HMCN1: variants seen among roughly 807,000 people sequenced by gnomAD.
HMCN1 encodes hemicentin 1.
Under a neutral mutation model 625.9 loss-of-function variants are expected in HMCN1, and 321 were observed. The observed-to-expected ratio is 0.51, with a 90% CI of 0.47 to 0.56. HMCN1 has a LOEUF of 0.56. HMCN1 is among the 20% of genes least tolerant of loss of function. The probability of loss-of-function intolerance (pLI) is 0.00; values close to 1 mark genes in which losing one functional copy is unlikely to be tolerated. For missense variants in HMCN1, 6,588 were observed against 6,887.3 expected (o/e 0.96, Z 1.54); for synonymous variants, 2,425 against 2,417.6 (o/e 1.00, Z -0.09).
intron 1 of HMCN1, among the ~76,000 whole-genome samples, chr1:185,755,480 T>G (rs1241184683): frequency 6.6e-6 from 1 of 152,186 alleles, no homozygotes; most frequent in Non-Finnish European, 1.5e-5. Context: ...TCACTGGTTT[T>G]CCACCTGAGA....
chr1:186,078,297 C>T, intron 55 of HMCN1, 77 bp downstream of exon 55: 1 of 1,004,204 alleles, frequency 1.0e-6, no homozygotes, highest in South Asian at 1.4e-5. Context: ...CAGGATGTTA[C>T]ACTAAGCGCT....
intron 3 of HMCN1, 69 bp from the exon 4 acceptor site, chr1:185,865,672 A>T: frequency 1.5e-6 from 2 of 1,315,800 alleles, no homozygotes; most frequent in Non-Finnish European, 2.2e-6. Flanking sequence ...CACAATAGGT[A>T]GTCAATACAC....
intron 48 of HMCN1, among the ~76,000 whole-genome samples, chr1:186,063,333 G>A (rs1297378985): frequency 1.3e-5 from 2 of 149,526 alleles, no homozygotes; most frequent in Non-Finnish European, 3.0e-5. Flanking sequence ...TGGTAGAAAT[G>A]TAGGAGGAAA....
chr1:186,063,067 CATATAT>C (rs775036108), intron 48 of HMCN1, among the ~76,000 whole-genome samples: 1,090 of 59,822 alleles, frequency 0.018, 27 homozygotes, highest in Non-Finnish European at 0.023. Context: ...TGTGTGTGTG[CATATAT>C]ATATATATAT....
intron 16 of HMCN1, among the ~76,000 whole-genome samples, chr1:185,980,639 T>G (rs1651560915): frequency 6.6e-6 from 1 of 152,194 alleles, no homozygotes; most frequent in Non-Finnish European, 1.5e-5. Flanking sequence ...TTCCATTCTT[T>G]GTACAGGCCA....
At chr1:185,772,979 C>T (rs1488833449) in intron 1 of HMCN1, among the ~76,000 whole-genome samples, 2 of 152,116 alleles carry the variant, frequency 1.3e-5, no homozygotes, top group Non-Finnish European at 2.9e-5. Context: ...GCTTTCATGA[C>T]ATAAATACCT....
chr1:186,188,423 C>T lies in HMCN1; in HGVS notation c.16541+414C>T, dbSNP rs372704245. 9.2e-5 allele frequency among the ~76,000 whole-genome samples: 14 copies of T among 152,282 alleles called. No individual in the cohort carries two copies. In the East Asian group the frequency reaches 1.9e-3, roughly 21 times the overall value. On this transcript the variant is annotated intron_variant, in intron 106 of 106. Coordinates refer to ENST00000271588, the MANE Select transcript of HMCN1 (RefSeq NM_031935.3). ...CTTTTCTGTTGCTTCACTGACTCAC[C>T]GCTCCTTGAGAACGGAGATGAGTGA... is the stretch of plus-strand genomic sequence containing the variant.
At chr1:186,138,062 T>TA in intron 89 of HMCN1, 90 bp downstream of exon 89, 1 of 1,373,442 alleles carries the variant, frequency 7.3e-7, no homozygotes, top group Non-Finnish European at 1.0e-6. Context: ...TTCTTCATTG[T>TA]AAAAAGATGT....
intron 4 of HMCN1, among the ~76,000 whole-genome samples, chr1:185,893,194 A>T (rs1466376998): frequency 6.6e-6 from 1 of 152,060 alleles, no homozygotes; most frequent in Non-Finnish European, 1.5e-5. Context: ...GCACCCAGTG[A>T]CCTGTGCCCA....
chr1:185,867,210 A>G (rs1663311000), intron 4 of HMCN1, among the ~76,000 whole-genome samples: 1 of 152,202 alleles, frequency 6.6e-6, no homozygotes, highest in South Asian at 2.1e-4. Flanking sequence ...AGAGAGGGTT[A>G]TGCCTTAGGT....
intron 41 of HMCN1, 32 bp downstream of exon 41, chr1:186,045,895 T>G (rs571293510): frequency 2.0e-6 from 3 of 1,496,732 alleles, no homozygotes; most frequent in Non-Finnish European, 9.3e-7. Flanking sequence ...TTTTACCTTA[T>G]GTTATTAGAA....
intron 1 of HMCN1, among the ~76,000 whole-genome samples, chr1:185,744,979 A>T (rs917519660): frequency 2.0e-5 from 3 of 152,194 alleles, no homozygotes; most frequent in African/African-American, 7.2e-5. Context: ...ACTTGGGTGT[A>T]GAGATAAGGG....
chr1:186,163,286 C>T (rs565608335), intron 97 of HMCN1, among the ~76,000 whole-genome samples: 13 of 152,308 alleles, frequency 8.5e-5, no homozygotes, highest in African/African-American at 2.9e-4. Flanking sequence ...GTGGGAGTGA[C>T]CCGATTTTCC....
At chr1:185,971,527 T>A (rs1286666915) in intron 15 of HMCN1, among the ~76,000 whole-genome samples, 1 of 152,230 alleles carries the variant, frequency 6.6e-6, no homozygotes, top group Non-Finnish European at 1.5e-5. Context: ...AAATATGACA[T>A]TGCATTCAAT....
At chr1:186,091,495 G>A (rs1659840589) in intron 64 of HMCN1, among the ~76,000 whole-genome samples, 1 of 151,854 alleles carries the variant, frequency 6.6e-6, no homozygotes, top group African/African-American at 2.4e-5. Flanking sequence ...TATCCTGATT[G>A]GCTCATTTTG....
intron 40 of HMCN1, 92 bp from the exon 41 acceptor site, chr1:186,045,596 A>T: frequency 1.0e-6 from 1 of 960,960 alleles, no homozygotes; most frequent in Admixed American, 1.7e-5. Context: ...AAAAGAACCA[A>T]TAAAGGTATT....
chr1:186,040,963 C>T (rs376847512), intron 39 of HMCN1, 50 bp from the exon 40 acceptor site: 20 of 1,597,770 alleles, frequency 1.3e-5, no homozygotes, highest in Middle Eastern at 1.7e-4. Context: ...TCTATTACAC[C>T]TACCATTCTC....
At position 185,805,752 on chromosome 1, in the gene HMCN1, A is replaced by C. The variant is rs916087660; in HGVS notation, c.269-40274A>C. 3.3e-5 allele frequency among the ~76,000 whole-genome samples: 5 copies of C among 152,096 alleles called. No homozygotes were observed. In the East Asian group the frequency reaches 9.6e-4, roughly 29 times the overall value. On this transcript the variant is annotated intron_variant, in intron 1 of 106. Coordinates refer to ENST00000271588, the MANE Select transcript of HMCN1 (RefSeq NM_031935.3). ...TACTGCGTATGTCTAACCCTGACCC[A>C]TGCTGCACAAAAGGTACTTCTGAAG...
At chr1:185,774,975 G>T (rs1167124874) in intron 1 of HMCN1, among the ~76,000 whole-genome samples, 1 of 152,092 alleles carries the variant, frequency 6.6e-6, no homozygotes, top group Admixed American at 6.6e-5. Flanking sequence ...ACATCAAAAG[G>T]TCAGTTCTTG....
Sources: allele counts gnomAD v4.1 joint callset (sites outside exome capture counted in the v4.1 genomes callset), GRCh38; gene constraint gnomAD v4.1.1; transcripts MANE v1.5; gene names NCBI Gene and HGNC (gene_info 2026-07-23, HGNC 2026-07-21).